MPPED2: variants seen among roughly 807,000 people sequenced by gnomAD.
MPPED2 encodes the protein metallophosphoesterase MPPED2.
Under a neutral mutation model 33.0 loss-of-function variants are expected in MPPED2, and 5 were observed. The ratio of observed to expected loss-of-function variants is 0.15; its 90% CI spans 0.08 to 0.32. The LOEUF is 0.32. MPPED2 is among the 10% of genes least tolerant of loss of function. MPPED2 has a pLI of 1.00. For missense variants in MPPED2, 275 were observed against 372.1 expected, an observed-to-expected ratio of 0.74 and a Z score of 2.15; for synonymous variants, 136 against 141.9, an observed-to-expected ratio of 0.96 and a Z score of 0.29.
chr11:30,424,448 G>A (rs1391885959), intron 4 of MPPED2, among the ~76,000 whole-genome samples: 1 of 152,112 alleles, frequency 6.6e-6, no homozygotes, highest in Non-Finnish European at 1.5e-5. Flanking sequence ...CCAGGTCCAA[G>A]AGAAGCTAAT....
chr11:30,505,557 C>T (rs578041453), intron 3 of MPPED2, among the ~76,000 whole-genome samples: 2 of 152,202 alleles, frequency 1.3e-5, no homozygotes, highest in South Asian at 4.1e-4. Context: ...TCCAAACTTT[C>T]CTTTACAAAT....
chr11:30,521,252 GA>G (rs149150519), intron 3 of MPPED2, among the ~76,000 whole-genome samples: 3 of 151,666 alleles, frequency 2.0e-5, no homozygotes, highest in African/African-American at 4.9e-5. Context: ...AGAAAGGAAA[GA>G]AAAAAAACAA....
intron 2 of MPPED2, among the ~76,000 whole-genome samples, chr11:30,565,499 C>A (rs1455747444): frequency 2.0e-5 from 3 of 152,122 alleles, no homozygotes; most frequent in Non-Finnish European, 4.4e-5. Flanking sequence ...AGCCCCTTTA[C>A]CTACAGGGCA....
chr11:30,559,448 C>T (rs1380823265), intron 2 of MPPED2, among the ~76,000 whole-genome samples: 1 of 152,146 alleles, frequency 6.6e-6, no homozygotes, highest in Non-Finnish European at 1.5e-5. Context: ...GAGTATTTTG[C>T]TTTGTGGAAA....
chr11:30,481,711 A>G (rs757692925), intron 4 of MPPED2, among the ~76,000 whole-genome samples: 9 of 152,168 alleles, frequency 5.9e-5, no homozygotes, highest in Non-Finnish European at 1.2e-4. Context: ...AGGGTGTCAC[A>G]TTCAGGGATG....
chr11:30,539,918 C>A (rs58072588), intron 2 of MPPED2, among the ~76,000 whole-genome samples: 3 of 152,120 alleles, frequency 2.0e-5, no homozygotes, highest in African/African-American at 7.2e-5. Flanking sequence ...GTGAGCCACC[C>A]CCACCTGGCT....
intron 4 of MPPED2, among the ~76,000 whole-genome samples, chr11:30,440,306 G>A (rs1183800592): frequency 6.6e-6 from 1 of 151,698 alleles, no homozygotes; most frequent in Non-Finnish European, 1.5e-5. Context: ...CTCCAGCCTG[G>A]GTGACAGCGT....
intron 4 of MPPED2, among the ~76,000 whole-genome samples, chr11:30,437,206 A>T (rs1047511152): frequency 6.6e-6 from 1 of 152,236 alleles, no homozygotes; most frequent in Non-Finnish European, 1.5e-5. Flanking sequence ...ACACTAAGTT[A>T]CCTACCCACA....
chr11:30,468,254 ACACT>A (rs1335929561), intron 4 of MPPED2, among the ~76,000 whole-genome samples: 2,821 of 107,876 alleles, frequency 0.026, 72 homozygotes, highest in African/African-American at 0.081. Flanking sequence ...ACACACACAC[ACACT>A]CTCTCTCTCT....
At chr11:30,431,159 T>A (rs1241967845) in intron 4 of MPPED2, among the ~76,000 whole-genome samples, 5 of 152,012 alleles carry the variant, frequency 3.3e-5, no homozygotes, top group Non-Finnish European at 7.4e-5. Context: ...TTGCAGCGGG[T>A]TGGGGGGGAT....
chr11:30,565,720 A>G (rs567265840), intron 2 of MPPED2, among the ~76,000 whole-genome samples: 24 of 152,260 alleles, frequency 1.6e-4, no homozygotes, highest in South Asian at 4.1e-4. Flanking sequence ...CTTTCTTAGT[A>G]TCTCCCCTCT....
chr11:30,538,096 A>C (rs1954911334), intron 2 of MPPED2, among the ~76,000 whole-genome samples: 1 of 152,184 alleles, frequency 6.6e-6, no homozygotes, highest in African/African-American at 2.4e-5. Flanking sequence ...TCACTAGAAT[A>C]GGACTGTTTG....
intron 4 of MPPED2, among the ~76,000 whole-genome samples, chr11:30,443,345 G>A (rs1242548270): frequency 6.6e-6 from 1 of 152,132 alleles, no homozygotes; most frequent in East Asian, 1.9e-4. Flanking sequence ...TCTGTTTTCA[G>A]TGGAGGCACC....
intron 3 of MPPED2, among the ~76,000 whole-genome samples, chr11:30,518,774 T>C (rs1050367782): frequency 6.6e-6 from 1 of 152,224 alleles, no homozygotes; most frequent in Non-Finnish European, 1.5e-5. Flanking sequence ...TGCACAGGAC[T>C]GTGAAGATAG....
intron 2 of MPPED2, among the ~76,000 whole-genome samples, chr11:30,579,846 C>A (rs1043440959): frequency 6.6e-6 from 1 of 150,476 alleles, no homozygotes; most frequent in African/African-American, 2.4e-5. Flanking sequence ...AAAAAAACTA[C>A]AGAAATTTTA....
chr11:30,465,618 A>G (rs1950676196), intron 4 of MPPED2, among the ~76,000 whole-genome samples: 1 of 152,190 alleles, frequency 6.6e-6, no homozygotes, highest in Non-Finnish European at 1.5e-5. Context: ...CTTTGTTTAA[A>G]TAAAATACTG....
intron 2 of MPPED2, among the ~76,000 whole-genome samples, chr11:30,539,026 C>G (rs1053713849): frequency 2.0e-5 from 3 of 152,136 alleles, no homozygotes; most frequent in Non-Finnish European, 2.9e-5. Context: ...CACCCACAGG[C>G]ATAGAGTTGA....
At chr11:30,544,881 G>A (rs569474880) in intron 2 of MPPED2, among the ~76,000 whole-genome samples, 11 of 152,278 alleles carry the variant, frequency 7.2e-5, no homozygotes, top group South Asian at 4.1e-4. Context: ...GAAAAAAGAC[G>A]CATGAGAGTG....
intron 6 of MPPED2, 37 bp from the exon 7 acceptor site, chr11:30,411,623 A>T: frequency 6.4e-7 from 1 of 1,562,218 alleles, no homozygotes. Flanking sequence ...TGTAATATAT[A>T]CAAATGAGAG....
Sources: gnomAD v4.1 joint callset for allele counts (sites outside exome capture counted in the v4.1 genomes callset) on GRCh38, gnomAD v4.1.1 for gene constraint, MANE v1.5 for transcripts, NCBI Gene and HGNC (gene_info 2026-07-23, HGNC 2026-07-21) for gene names.